Variants in CSTF2 observed in about 807,000 individuals in gnomAD.
CSTF2 encodes the protein CF-1 64 kDa subunit.
CSTF2 carries 8 observed loss-of-function variants against 45.4 expected under a neutral mutation model. The ratio of observed to expected loss-of-function variants is 0.18; its 90% CI spans 0.10 to 0.32. The LOEUF (loss-of-function observed/expected upper bound fraction) is 0.32. Among genes scored for constraint, CSTF2 ranks in the 10% least tolerant of loss-of-function variants. The pLI, the probability that CSTF2 is intolerant of heterozygous loss-of-function variation, is 1.00. For synonymous variants in CSTF2, 155 were observed against 158.9 expected, an observed-to-expected ratio of 0.98 and a Z score of 0.18; for missense variants, 253 against 477.1, an observed-to-expected ratio of 0.53 and a Z score of 4.38.
At chrX:100,831,367 C>T (rs1264103858) in intron 8 of CSTF2, 148 bp from the exon 9 acceptor site, 5 of 648,502 alleles carry the variant, frequency 7.7e-6, no homozygotes, top group Non-Finnish European at 1.2e-5. Context: ...CACCCTGCTT[C>T]TGTTCTTGAG....
intron 6 of CSTF2, among the ~76,000 whole-genome samples, chrX:100,824,789 A>G (rs1275041634): frequency 8.9e-6 from 1 of 112,862 alleles, no homozygotes; most frequent in Non-Finnish European, 1.9e-5. Context: ...TAAAGAGCCC[A>G]TAGTCATTCA....
In CSTF2 at chrX:100,821,750, C is replaced by T. The variant is rs1457312671; in HGVS notation, c.137+145C>T. On this transcript the variant is annotated intron_variant, in intron 2 of 13. Transcript: ENST00000372972. ...CAGCTTTATTGAGATATAATTGATA[C>T]ACTATACAATTGACATTTATTCTTA... The T allele has an allele frequency of 8.8e-6, 4 of 453,223 alleles. No individual in the cohort carries two copies. In the East Asian group the frequency reaches 1.1e-4, roughly 13 times the overall value. The allele number at this position is 453,223 out of a possible 1,213,427, so 37.4% of individuals were successfully genotyped here. A position where few individuals can be genotyped will look rare whatever the true frequency, so the allele number is the denominator to read the frequency against.
intron 8 of CSTF2, among the ~76,000 whole-genome samples, chrX:100,830,147 G>C: frequency 8.9e-6 from 1 of 111,984 alleles, no homozygotes; most frequent in South Asian, 3.7e-4. Context: ...GTTTAGTGTC[G>C]GTTCCCATGT....
In CSTF2 at chrX:100,831,760, A is replaced by G. The variant is rs182202500; in HGVS notation, c.1031+104A>G. 1.0e-5 allele frequency: 9 copies of G among 887,740 alleles called. No individual in the cohort carries two copies. The East Asian group carries it at 2.2e-4, about 22-fold the overall frequency. 73.2% of individuals were successfully genotyped at this position (887,740 alleles called of 1,213,427 possible). A position where few individuals can be genotyped will look rare whatever the true frequency, so the allele number is the denominator to read the frequency against. ...CAGTTGTACCTGTTTGCCTACTTCA[A>G]AAGGTAGATCAATATTCATGGCCAC... is the stretch of plus-strand genomic sequence containing the variant. On this transcript the variant is annotated intron_variant, in intron 9 of 13. Transcript: ENST00000372972.
At chrX:100,829,136 T>C (rs2084960107) in intron 8 of CSTF2, among the ~76,000 whole-genome samples, 1 of 111,918 alleles carries the variant, frequency 8.9e-6, no homozygotes, top group African/African-American at 3.3e-5. Flanking sequence ...TGGACAAGCA[T>C]AGAGAAGCTT....
rs1007991681 is a variant in CSTF2, at chrX:100,833,077, A to T, written c.1208-103A>T. ...GTCTCATATGTTAATAGCTGAGGGG[A>T]CAAATGTGACTAGAAGAGATTTCTA... On this transcript the variant is annotated intron_variant, in intron 10 of 13. Coordinates refer to ENST00000372972, the MANE Select transcript of CSTF2 (RefSeq NM_001325.3). 1.9e-5 allele frequency: 19 copies of T among 1,011,246 alleles called. No homozygotes were observed. The Admixed American group carries it at 3.3e-4, about 18-fold the overall frequency. 83.3% of individuals were successfully genotyped at this position (1,011,246 alleles called of 1,213,427 possible).
At chrX:100,839,718 T>G (rs921089282) in intron 13 of CSTF2, among the ~76,000 whole-genome samples, 2 of 111,745 alleles carry the variant, frequency 1.8e-5, no homozygotes, top group Non-Finnish European at 3.8e-5. Context: ...TTTTTTTTAG[T>G]AAAAGTATAG....
At chrX:100,837,838 A>G (rs2085017916) in intron 12 of CSTF2, among the ~76,000 whole-genome samples, 1 of 110,669 alleles carries the variant, frequency 9.0e-6, no homozygotes, top group Non-Finnish European at 1.9e-5. Flanking sequence ...CATTGTGGGG[A>G]GCTTATGTCT....
chrX:100,831,270 C>T (rs1358412777), intron 8 of CSTF2, among the ~76,000 whole-genome samples: 2 of 111,703 alleles, frequency 1.8e-5, no homozygotes, highest in African/African-American at 3.3e-5. Context: ...TTCTCCAGGT[C>T]GCAGTGCTAG....
chrX:100,827,968 C>A, intron 7 of CSTF2, 72 bp from the exon 8 acceptor site: 3 of 899,459 alleles, frequency 3.3e-6, no homozygotes, highest in Non-Finnish European at 4.8e-6. Context: ...TTTGTAAACT[C>A]AGCCACTGTT....
At chrX:100,822,601 T>A in intron 3 of CSTF2, 181 bp downstream of exon 3, 1 of 455,318 alleles carries the variant, frequency 2.2e-6, no homozygotes, top group Admixed American at 4.0e-5. Flanking sequence ...AAAAACTTTT[T>A]ATAAATTTTT....
At chrX:100,830,159 A>G (rs1169530387) in intron 8 of CSTF2, among the ~76,000 whole-genome samples, 2 of 112,135 alleles carry the variant, frequency 1.8e-5, no homozygotes, top group Non-Finnish European at 3.8e-5. Flanking sequence ...TTCCCATGTC[A>G]TCTCATTAGT....
chrX:100,820,635 C>A (rs1047818925), intron 1 of CSTF2, 161 bp downstream of exon 1: 1 of 566,766 alleles, frequency 1.8e-6, no homozygotes, highest in African/African-American at 2.2e-5. Flanking sequence ...AAGAGATATT[C>A]CCATTCTGCC....
intron 11 of CSTF2, among the ~76,000 whole-genome samples, chrX:100,835,590 T>G (rs2085003838): frequency 9.1e-6 from 1 of 110,186 alleles, no homozygotes; most frequent in Non-Finnish European, 1.9e-5. Context: ...ATTCATACTT[T>G]TAAATTAGAT....
chrX:100,835,276 TAA>T (rs59862712), intron 11 of CSTF2, among the ~76,000 whole-genome samples: 2 of 88,715 alleles, frequency 2.3e-5, no homozygotes, highest in Admixed American at 1.3e-4. Flanking sequence ...CTCCCATCTT[TAA>T]AAAAAAAAAA....
intron 11 of CSTF2, among the ~76,000 whole-genome samples, chrX:100,835,988 A>G (rs2085006157): frequency 9.0e-6 from 1 of 111,715 alleles, no homozygotes. Flanking sequence ...AAAAGATTAT[A>G]CTCATAGGTG....
chrX:100,830,739 T>C, intron 8 of CSTF2: 5 of 808,047 alleles, frequency 6.2e-6, no homozygotes, highest in African/African-American at 2.0e-5. Context: ...TGTGTGTGTG[T>C]TTCTGCGTGT....
At chrX:100,833,902 T>G (rs1199033686) in intron 11 of CSTF2, among the ~76,000 whole-genome samples, 1 of 112,103 alleles carries the variant, frequency 8.9e-6, no homozygotes. Context: ...GAACCCTGAC[T>G]GGGAACCACT....
In CSTF2 at chrX:100,826,560, T is replaced by A. The variant is rs764007245; in HGVS notation, c.703-74T>A. 1.1e-5 allele frequency: 12 copies of A among 1,069,318 alleles called. No individual in the cohort carries two copies. The South Asian group carries it at 2.4e-4, about 22-fold the overall frequency. The allele number at this position is 1,069,318 out of a possible 1,213,427, so 88.1% of individuals were successfully genotyped here. On this transcript the variant is annotated intron_variant, in intron 6 of 13. Coordinates refer to ENST00000372972, the MANE Select transcript of CSTF2 (RefSeq NM_001325.3). ...TTGGGGCTGTTCATTTGAAGAGGAC[T>A]TTTAAGGTCGTAGACTTAGTATATT...
Sources: allele counts gnomAD v4.1 joint callset (sites outside exome capture counted in the v4.1 genomes callset), GRCh38; gene constraint gnomAD v4.1.1; transcripts MANE v1.5; gene names NCBI Gene and HGNC (gene_info 2026-07-23, HGNC 2026-07-21).